SHQ1: variants seen among roughly 807,000 people sequenced by gnomAD.
SHQ1 encodes the protein protein SHQ1 homolog.
A neutral mutation model predicts 53.8 loss-of-function variants in SHQ1; 49 were observed. That is an observed-to-expected ratio of 0.91 (90% confidence interval 0.72 to 1.16). SHQ1 has a LOEUF of 1.16. SHQ1 is among the 50% of genes most tolerant of loss of function. SHQ1 has a pLI of 0.00. For synonymous variants in SHQ1, 243 were observed against 251.0 expected (o/e 0.97, Z 0.30); for missense variants, 738 against 683.1 (o/e 1.08, Z -0.90).
At chr3:72,753,536 T>G in intron 10 of SHQ1, 1 of 985,304 alleles carries the variant, frequency 1.0e-6, no homozygotes, top group Non-Finnish European at 1.2e-6. Flanking sequence ...ACCACTGCAG[T>G]GTCCAAGGGT....
At chr3:72,802,652 A>C (rs1451266059) in intron 9 of SHQ1, among the ~76,000 whole-genome samples, 1 of 152,068 alleles carries the variant, frequency 6.6e-6, no homozygotes, top group Non-Finnish European at 1.5e-5. Flanking sequence ...CCGCTCCTCC[A>C]CATCTTCTTT....
chr3:72,743,883 T>C, the SHQ1 span, among the ~76,000 whole-genome samples: 1 of 152,310 alleles, frequency 6.6e-6, no homozygotes, highest in East Asian at 1.9e-4. Context: ...GGGAATTTAT[T>C]TCTAGTCCAG....
chr3:72,764,615 T>C (rs1575679079), intron 10 of SHQ1, among the ~76,000 whole-genome samples: 1 of 152,254 alleles, frequency 6.6e-6, no homozygotes, highest in African/African-American at 2.4e-5. Context: ...ATTTAGTTTC[T>C]TTCTTTGATA....
At chr3:72,771,853 G>A (rs991056644) in intron 10 of SHQ1, among the ~76,000 whole-genome samples, 5 of 152,314 alleles carry the variant, frequency 3.3e-5, no homozygotes, top group East Asian at 1.9e-4. Context: ...TGAAATTAAC[G>A]TGAAGAAAGC....
At chr3:72,828,562 T>C (rs925417680) in intron 5 of SHQ1, among the ~76,000 whole-genome samples, 3 of 151,942 alleles carry the variant, frequency 2.0e-5, no homozygotes, top group Non-Finnish European at 2.9e-5. Context: ...GGCATGGTGG[T>C]GCACACCTGT....
intron 9 of SHQ1, among the ~76,000 whole-genome samples, chr3:72,801,933 G>C (rs758374538): frequency 6.6e-6 from 1 of 152,128 alleles, no homozygotes; most frequent in Non-Finnish European, 1.5e-5. Context: ...AATTTCTCAC[G>C]AAGTAAAAAT....
chr3:72,824,586 G>C, intron 5 of SHQ1, 35 bp from the exon 6 acceptor site: 1 of 1,575,284 alleles, frequency 6.3e-7, no homozygotes, highest in South Asian at 1.2e-5. Flanking sequence ...TACTATACAG[G>C]ATTTCACTGG....
chr3:72,809,155 G>A (rs1448820450), intron 9 of SHQ1, among the ~76,000 whole-genome samples: 1 of 152,146 alleles, frequency 6.6e-6, no homozygotes, highest in African/African-American at 2.4e-5. Flanking sequence ...GCAACATGGG[G>A]TGGCCAAGTG....
intron 9 of SHQ1, among the ~76,000 whole-genome samples, chr3:72,806,983 A>T (rs907601799): frequency 6.6e-6 from 1 of 152,160 alleles, no homozygotes; most frequent in Non-Finnish European, 1.5e-5. Flanking sequence ...ACACATCTAA[A>T]TTATTTTTCT....
chr3:72,842,235 A>G, intron 3 of SHQ1, 45 bp downstream of exon 3: 1 of 1,597,712 alleles, frequency 6.3e-7, no homozygotes, highest in Non-Finnish European at 8.5e-7. Flanking sequence ...AGCATTCCAA[A>G]TATTTCTATT....
chr3:72,767,659 T>C (rs1054622429), intron 10 of SHQ1, among the ~76,000 whole-genome samples: 2 of 152,212 alleles, frequency 1.3e-5, no homozygotes, highest in Non-Finnish European at 2.9e-5. Flanking sequence ...AACTCTTCTA[T>C]AATTAGAACT....
the SHQ1 span, among the ~76,000 whole-genome samples, chr3:72,728,373 G>A: frequency 1.3e-5 from 2 of 152,176 alleles, no homozygotes; most frequent in Non-Finnish European, 2.9e-5. Context: ...ATGTGGGCTC[G>A]ATTTCAGCCT....
At chr3:72,758,810 G>A (rs1705554531) in intron 10 of SHQ1, among the ~76,000 whole-genome samples, 1 of 152,048 alleles carries the variant, frequency 6.6e-6, no homozygotes, top group African/African-American at 2.4e-5. Context: ...CTCATGATCT[G>A]CCTGCCTTGG....
chr3:72,846,298 C>CTTTTTTTT, intron 1 of SHQ1: 1 of 1,423,734 alleles, frequency 7.0e-7, no homozygotes, highest in Non-Finnish European at 9.2e-7. Flanking sequence ...ACTGTATGTT[C>CTTTTTTTT]TTTTTTTTTT....
intron 1 of SHQ1, among the ~76,000 whole-genome samples, chr3:72,847,611 G>A (rs1708386234): frequency 6.6e-6 from 1 of 152,046 alleles, no homozygotes; most frequent in Admixed American, 6.6e-5. Flanking sequence ...GGAGACTTGG[G>A]GGAAACAACC....
Position 72,793,319 on chromosome 3 carries a change from A to C in SHQ1, c.1061-283T>G, listed in dbSNP as rs537108212. 20 of 216,318 alleles carry C rather than the reference A, an allele frequency of 9.2e-5. No individual in the cohort carries two copies. The South Asian group carries it at 1.5e-3, about 16-fold the overall frequency. The allele number at this position is 216,318 out of a possible 1,614,324, so 13.4% of individuals were successfully genotyped here. Reference sequence around the variant, plus strand: ...TCAGGAGATCGAGACCATCCTGGCTAACACGGTGAAACCCTGTCTCTACTA... The same window carrying C: ...TCAGGAGATCGAGACCATCCTGGCTCACACGGTGAAACCCTGTCTCTACTA... On this transcript the variant is annotated intron_variant, in intron 9 of 10. Transcript: ENST00000325599.
At chr3:72,733,129 G>A in the SHQ1 span, among the ~76,000 whole-genome samples, 2 of 151,702 alleles carry the variant, frequency 1.3e-5, no homozygotes, top group South Asian at 4.2e-4. Context: ...GGCATCTCTA[G>A]CAACCCCTGA....
intron 8 of SHQ1, chr3:72,814,628 C>T (rs568562129): frequency 2.6e-5 from 4 of 152,310 alleles, no homozygotes; most frequent in Middle Eastern, 3.4e-3. Flanking sequence ...GTTGTTTTAA[C>T]TGATGATATA....
chr3:72,797,192 A>G (rs1278740951), intron 9 of SHQ1, among the ~76,000 whole-genome samples: 1 of 152,208 alleles, frequency 6.6e-6, no homozygotes, highest in Non-Finnish European at 1.5e-5. Context: ...CAGGAGGCGG[A>G]GGCTGCAGTG....
Sources: allele counts gnomAD v4.1 joint callset (sites outside exome capture counted in the v4.1 genomes callset), GRCh38; gene constraint gnomAD v4.1.1; transcripts MANE v1.5; gene names NCBI Gene and HGNC (gene_info 2026-07-23, HGNC 2026-07-21).